Variants in OPTN observed in about 807,000 individuals in gnomAD.
The protein encoded by OPTN is E3-14.7K-interacting protein.
Under a neutral mutation model 70.4 loss-of-function variants are expected in OPTN, and 54 were observed. The observed-to-expected ratio is 0.77, with a 90% CI of 0.62 to 0.96. OPTN has a LOEUF of 0.96. Ranked by LOEUF, OPTN falls within the 40% of genes least tolerant of loss-of-function variation. The probability of loss-of-function intolerance (pLI) is 0.00; values close to 1 mark genes in which losing one functional copy is unlikely to be tolerated. For synonymous variants in OPTN, 256 were observed against 248.5 expected (o/e 1.03, Z -0.28); for missense variants, 624 against 673.2 (o/e 0.93, Z 0.81).
intron 7 of OPTN, among the ~76,000 whole-genome samples, chr10:13,120,659 A>G (rs910904788): frequency 6.6e-6 from 1 of 151,924 alleles, no homozygotes; most frequent in Non-Finnish European, 1.5e-5. Flanking sequence ...ATGTTGTGAT[A>G]TAGGAGTTCA....
Position 13,118,957 on chromosome 10 carries a change from T to C in OPTN, c.696T>C (p.Thr232=). 6.2e-7 allele frequency: 1 copy of C among 1,613,970 alleles called. No individual in the cohort carries two copies. The change falls in exon 7 of 15, where the codon ACT becomes ACC. Residue 232 remains threonine, a synonymous_variant. Coordinates refer to ENST00000378747, the MANE Select transcript of OPTN (RefSeq NM_001008212.2). The stretch of plus-strand genomic sequence containing the variant: ...ATTACTTCGAACATGAGGAGTTAAC[T>C]GTGAGCCAGCTCCTGCTGTGCCTAA... ...AKNYFEHEEL[T]VSQLLLCLRE... is the part of the protein sequence containing the mutation.
At chr10:13,128,825 G>A (rs1475064633) in intron 12 of OPTN, among the ~76,000 whole-genome samples, 2 of 152,080 alleles carry the variant, frequency 1.3e-5, no homozygotes, top group African/African-American at 4.8e-5. Context: ...TTACAGGCAT[G>A]AGCCACTGCG....
chr10:13,133,537 C>A lies in OPTN; in HGVS notation c.1568C>A (p.Ala523Glu), dbSNP rs747569110. The change falls in exon 14 of 15, where the codon GCG becomes GAG. Residue 523 changes from alanine (A) to glutamate (E), a missense_variant. Ala to Glu is a moderately radical substitution (Grantham distance 107, BLOSUM62 -1). Coordinates refer to ENST00000378747, the MANE Select transcript of OPTN (RefSeq NM_001008212.2). ...ATGGAGATGCAGAGTCGTCATGGGG[C>A]GAGAACAAGTGACTCTGACCAGCAG... Reference protein sequence around the residue: ...SLMEMQSRHGARTSDSDQQAY... With the variant: ...SLMEMQSRHGERTSDSDQQAY... 7 of 1,614,064 alleles carry A rather than the reference C, an allele frequency of 4.3e-6. No homozygotes were observed. In the Admixed American group the frequency reaches 5.0e-5, roughly 12 times the overall value.
At chr10:13,130,979 G>A (rs563547618) in intron 12 of OPTN, among the ~76,000 whole-genome samples, 2 of 152,194 alleles carry the variant, frequency 1.3e-5, no homozygotes, top group African/African-American at 2.4e-5. Context: ...GAGTGCAGTC[G>A]CATGATCGTG....
At chr10:13,132,390 C>T (rs1833612570) in intron 13 of OPTN, among the ~76,000 whole-genome samples, 193 bp downstream of exon 13, 1 of 152,150 alleles carries the variant, frequency 6.6e-6, no homozygotes, top group Admixed American at 6.5e-5. Flanking sequence ...ACTTACACTT[C>T]ATGTGATCAT....
In OPTN at chr10:13,125,446, G is replaced by T. The variant is rs762990076; in HGVS notation, c.1027G>T (p.Ala343Ser). 19 of 1,614,058 alleles carry T rather than the reference G, an allele frequency of 1.2e-5. 1 individual carries two copies. The South Asian group carries it at 2.1e-4, about 18-fold the overall frequency. Residue 343 changes from alanine to serine, a missense_variant, in exon 10 of 15, where the codon GCA (alanine) becomes TCA (serine). Physicochemically the swap from Ala to Ser is moderately conservative, Grantham distance 99. Coordinates refer to ENST00000378747, the MANE Select transcript of OPTN (RefSeq NM_001008212.2). ...TCAGGCCCTTGAAAGGAAAAATTCT[G>T]CAATTCCATCAGAGTTGAATGAAAA... ...KCQALERKNS[A>S]IPSELNEKQE...
intron 5 of OPTN, among the ~76,000 whole-genome samples, chr10:13,115,207 ATT>A (rs1242103528): frequency 3.8e-5 from 1 of 26,160 alleles, no homozygotes; most frequent in Non-Finnish European, 7.3e-5. Context: ...ATATATCTAT[ATT>A]TATATATATA....
intron 5 of OPTN, among the ~76,000 whole-genome samples, chr10:13,114,762 A>AGAAT (rs1833087518): frequency 1.2e-5 from 1 of 83,754 alleles, no homozygotes; most frequent in Non-Finnish European, 2.0e-5. Context: ...ATATAATTGC[A>AGAAT]TATATAATTA....
At chr10:13,136,608 A>C in intron 14 of OPTN, 137 bp from the exon 15 acceptor site, 1 of 980,012 alleles carries the variant, frequency 1.0e-6, no homozygotes, top group Middle Eastern at 2.5e-4. Context: ...GTTAAAGACC[A>C]AACACCTGTG....
intron 12 of OPTN, among the ~76,000 whole-genome samples, 195 bp downstream of exon 12, chr10:13,128,098 A>T (rs186994090): frequency 2.0e-5 from 3 of 152,376 alleles, no homozygotes; most frequent in Non-Finnish European, 4.4e-5. Context: ...TTAATAGGTA[A>T]TTGGATTCTT....
rs759174429 is a variant in OPTN, at chr10:13,122,373, G to T, written c.780-12G>T. The T allele has an allele frequency of 9.5e-6, 15 of 1,586,816 alleles. No homozygotes were observed. In the East Asian group the frequency reaches 2.9e-4, roughly 31 times the overall value. ...AGAGAAAGTAACTTTTCTATCTTCTGTGATTTTCCAGAGTTTCAGATTTTG... is the reference window on the plus strand; with the variant it reads ...AGAGAAAGTAACTTTTCTATCTTCTTTGATTTTCCAGAGTTTCAGATTTTG... On this transcript the variant is annotated splice_polypyrimidine_tract_variant and intron_variant, in intron 7 of 14. Coordinates refer to ENST00000378747, the MANE Select transcript of OPTN (RefSeq NM_001008212.2).
At chr10:13,115,502 TAGA>T (rs1833176845) in intron 5 of OPTN, among the ~76,000 whole-genome samples, 1 of 106,740 alleles carries the variant, frequency 9.4e-6, no homozygotes, top group African/African-American at 4.0e-5. Context: ...TTATATAATA[TAGA>T]ATATATATAA....
At chr10:13,110,592 T>G in intron 4 of OPTN, 116 bp downstream of exon 4, 1 of 1,058,842 alleles carries the variant, frequency 9.4e-7, no homozygotes, top group Non-Finnish European at 1.4e-6. Context: ...TCTGGATTGG[T>G]GTTTTGCCTG....
At chr10:13,123,454 T>G (rs1302510610) in intron 8 of OPTN, among the ~76,000 whole-genome samples, 2 of 152,170 alleles carry the variant, frequency 1.3e-5, no homozygotes, top group African/African-American at 4.8e-5. Flanking sequence ...AGAAAACAGA[T>G]GAAGAGACCA....
chr10:13,119,274 A>T (rs1564362056), intron 7 of OPTN, among the ~76,000 whole-genome samples: 1 of 152,226 alleles, frequency 6.6e-6, no homozygotes, highest in Non-Finnish European at 1.5e-5. Context: ...AGATTTGGCC[A>T]TTCTAGACAT....
rs1037411020 is a variant in OPTN, at chr10:13,138,230, C to A, written c.*1364C>A. 3.3e-5 allele frequency: 6 copies of A among 184,614 alleles called. No homozygotes were observed. Among genetic ancestry groups the A allele is most frequent in the Admixed American group, 1.2e-4 (2 of 16,052 alleles). The allele number at this position is 184,614 out of a possible 1,614,324, so 11.4% of individuals were successfully genotyped here. ...CCAAGAGTAAATAACACTGGACCAGCTGTAAAAGTAAACAGTGTGTTTATG... is the reference window on the plus strand; with the variant it reads ...CCAAGAGTAAATAACACTGGACCAGATGTAAAAGTAAACAGTGTGTTTATG... On this transcript the variant is annotated 3_prime_UTR_variant, in exon 15 of 15. Transcript: ENST00000378747.
chr10:13,101,719 T>C (rs1832753585), intron 1 of OPTN, among the ~76,000 whole-genome samples: 1 of 152,230 alleles, frequency 6.6e-6, no homozygotes, highest in African/African-American at 2.4e-5. Flanking sequence ...TGTTATGAAG[T>C]GATACCCAGA....
rs372486382 is a variant in OPTN, at chr10:13,118,979, C to T, written c.718C>T (p.Leu240=). The T allele has an allele frequency of 2.5e-6, 4 of 1,613,934 alleles. No homozygotes were observed. In the African/African-American group the frequency reaches 5.3e-5, roughly 22 times the overall value. The change falls in exon 7 of 15, where the codon CTA becomes TTA. Residue 240 remains leucine, a synonymous_variant. Coordinates refer to ENST00000378747, the MANE Select transcript of OPTN (RefSeq NM_001008212.2). ...AACTGTGAGCCAGCTCCTGCTGTGC[C>T]TAAGGGAAGGGAATCAGAAGGTGGA... ...ELTVSQLLLC[L]REGNQKVERL...
chr10:13,110,508 T>G (rs762516858), intron 4 of OPTN, 32 bp downstream of exon 4: 79 of 1,601,910 alleles, frequency 4.9e-5, no homozygotes, highest in Non-Finnish European at 5.8e-5. Context: ...GATGTTGTTT[T>G]TTTTTTTTCC....
Sources: gnomAD v4.1 joint callset for allele counts (sites outside exome capture counted in the v4.1 genomes callset) on GRCh38, gnomAD v4.1.1 for gene constraint, MANE v1.5 for transcripts, NCBI Gene and HGNC (gene_info 2026-07-23, HGNC 2026-07-21) for gene names.